GATAD2B: variants seen among roughly 807,000 people sequenced by gnomAD.
GATAD2B encodes the protein GATA zinc finger domain containing 2B, also known as transcriptional repressor p66-beta.
In GATAD2B, 8 loss-of-function variants were observed where a neutral mutation model predicts 64.3. That is an observed-to-expected ratio of 0.12 (90% confidence interval 0.07 to 0.22). The LOEUF is 0.22. GATAD2B is among the 10% of genes least tolerant of loss of function. GATAD2B has a pLI of 1.00. For missense variants in GATAD2B, 453 were observed against 752.0 expected (o/e 0.60, Z 4.65); for synonymous variants, 281 against 271.3 (o/e 1.04, Z -0.35).
chr1:153,818,036 A>G lies in GATAD2B; in HGVS notation c.729+4T>C. 2 of 1,597,122 alleles carry G rather than the reference A, an allele frequency of 1.3e-6. No individual in the cohort carries two copies. The highest frequency in any genetic ancestry group is 1.8e-5 in the Admixed American group (1 of 55,600). On this transcript the variant is annotated splice_donor_region_variant and intron_variant, in intron 5 of 10. Coordinates refer to ENST00000368655, the MANE Select transcript of GATAD2B (RefSeq NM_020699.4). Reference sequence around the variant, plus strand: ...ACACTAAGATCCCACTATGGGTCACATACCTGTAATGTTCTCAAATTTTGA... The same window carrying G: ...ACACTAAGATCCCACTATGGGTCACGTACCTGTAATGTTCTCAAATTTTGA...
intron 1 of GATAD2B, among the ~76,000 whole-genome samples, chr1:153,854,951 T>G (rs531875870): frequency 6.6e-6 from 1 of 152,114 alleles, no homozygotes; most frequent in South Asian, 2.1e-4. Flanking sequence ...TTCAAAAAAG[T>G]TGATATAAAA....
At chr1:153,898,131 C>T (rs1271909177) in intron 1 of GATAD2B, among the ~76,000 whole-genome samples, 1 of 150,956 alleles carries the variant, frequency 6.6e-6, no homozygotes, top group Non-Finnish European at 1.5e-5. Context: ...CGGTAAAACC[C>T]CATCTCTACA....
intron 2 of GATAD2B, among the ~76,000 whole-genome samples, chr1:153,822,520 G>C (rs6427298): frequency 0.84 from 128,023 of 152,088 alleles, 54,293 homozygotes; most frequent in Admixed American, 0.9. Flanking sequence ...AAGCCTCTCT[G>C]TTTTTCTTTT....
intron 1 of GATAD2B, among the ~76,000 whole-genome samples, chr1:153,878,023 A>G (rs142514909): frequency 6.6e-6 from 1 of 152,270 alleles, no homozygotes; most frequent in East Asian, 1.9e-4. Flanking sequence ...AGTACTCAAC[A>G]GACTAGGAAA....
In GATAD2B at chr1:153,890,489, A is replaced by AC. The variant is rs1159159625; in HGVS notation, c.-2+32243_-2+32244insG. The AC allele has an allele frequency of 5.4e-5, 8 of 147,308 alleles. No individual in the cohort carries two copies. The East Asian group carries it at 1.6e-3, about 30-fold the overall frequency. The allele number at this position is 147,308 out of a possible 1,614,324, so 9.1% of individuals were successfully genotyped here. ...GGCGAAAGAACAAGACTCCGTCTCA[A>AC]AAAAAAAAAAAAAAACGACAGAACA... On this transcript the variant is annotated intron_variant, in intron 1 of 10. Coordinates refer to ENST00000368655, the MANE Select transcript of GATAD2B (RefSeq NM_020699.4).
chr1:153,857,017 G>GA (rs1676104784), intron 1 of GATAD2B, among the ~76,000 whole-genome samples: 1 of 151,874 alleles, frequency 6.6e-6, no homozygotes, highest in African/African-American at 2.4e-5. Flanking sequence ...TTGCCTTGGG[G>GA]AAAAAACATA....
At chr1:153,885,971 T>C (rs1433163241) in intron 1 of GATAD2B, among the ~76,000 whole-genome samples, 2 of 151,394 alleles carry the variant, frequency 1.3e-5, no homozygotes, top group Non-Finnish European at 2.9e-5. Flanking sequence ...AAGAATAGCA[T>C]AAGAAAAGAG....
At chr1:153,831,163 A>C (rs1675067007) in intron 1 of GATAD2B, among the ~76,000 whole-genome samples, 1 of 152,214 alleles carries the variant, frequency 6.6e-6, no homozygotes, top group Non-Finnish European at 1.5e-5. Flanking sequence ...ATAAAAAAAG[A>C]ATGAGTTCAT....
chr1:153,822,842 T>G (rs773933643), intron 2 of GATAD2B, among the ~76,000 whole-genome samples: 24 of 152,284 alleles, frequency 1.6e-4, no homozygotes, highest in Middle Eastern at 3.4e-3. Flanking sequence ...AGACAGGGTC[T>G]CACTCTGTCA....
chr1:153,918,290 G>C (rs748243511), intron 1 of GATAD2B, among the ~76,000 whole-genome samples: 2 of 152,190 alleles, frequency 1.3e-5, no homozygotes, highest in African/African-American at 2.4e-5. Context: ...CACAAAGCTA[G>C]AATTCAACCC....
Position 153,816,294 on chromosome 1 carries a change from G to C in GATAD2B, c.1195C>G (p.Gln399Glu). Residue 399 changes from glutamine (Q) to glutamate (E), a missense_variant, in exon 7 of 11, where the codon CAG becomes GAG. Coordinates refer to ENST00000368655, the MANE Select transcript of GATAD2B (RefSeq NM_020699.4). This position sits in a 1 kb window ranked among gnomAD's most constrained non-coding sequence, Gnocchi z 4.9. ...IYMVGLEEVV[Q>E]SVIDSQGKSC... The stretch of plus-strand genomic sequence containing the variant: ...TTACCTTGGCTGTCAATGACACTCT[G>C]TACGACTTCTTCCAAGCCTACCATG... 1 of 1,612,598 alleles carries C rather than the reference G, an allele frequency of 6.2e-7. No individual in the cohort carries two copies. Among genetic ancestry groups the C allele is most frequent in the Non-Finnish European group, 8.5e-7 (1 of 1,178,612 alleles).
chr1:153,850,711 A>G (rs1213095175), intron 1 of GATAD2B, among the ~76,000 whole-genome samples: 2 of 152,032 alleles, frequency 1.3e-5, no homozygotes, highest in Non-Finnish European at 2.9e-5. Flanking sequence ...CTTGAGGTGA[A>G]GGAGTTTGAG....
At chr1:153,910,611 G>A (rs1489372192) in intron 1 of GATAD2B, among the ~76,000 whole-genome samples, 1 of 151,894 alleles carries the variant, frequency 6.6e-6, no homozygotes, top group East Asian at 1.9e-4. Flanking sequence ...GTGGTGGCGA[G>A]CACCTGTAAT....
intron 1 of GATAD2B, among the ~76,000 whole-genome samples, chr1:153,882,236 GCT>G (rs1230720748): frequency 6.6e-6 from 1 of 151,978 alleles, no homozygotes; most frequent in African/African-American, 2.4e-5. Context: ...AAATCATGAT[GCT>G]TTAACTGTTT....
At chr1:153,876,193 A>G (rs866286948) in intron 1 of GATAD2B, among the ~76,000 whole-genome samples, 7 of 126,608 alleles carry the variant, frequency 5.5e-5, no homozygotes, top group African/African-American at 2.1e-4. Flanking sequence ...GCGCCACTAC[A>G]CTCCAGCCTG....
At chr1:153,895,498 T>G (rs1677558554) in intron 1 of GATAD2B, among the ~76,000 whole-genome samples, 1 of 151,880 alleles carries the variant, frequency 6.6e-6, no homozygotes, top group African/African-American at 2.4e-5. Flanking sequence ...GAGGATCACT[T>G]AAGCCCAAGA....
rs1674576045 is a variant in GATAD2B, at chr1:153,818,841, A to G, written c.547T>C (p.Leu183=). 6.2e-7 allele frequency: 1 copy of G among 1,613,672 alleles called. No individual in the cohort carries two copies. ...AGCTGACTCTGTCTCAGTTTCTTTA[A>G]CAGGACCAGTCGGGCTTCTTCCAAT... ...LRLEEARLVL[L]KKLRQSQLQK... Residue 183 remains leucine, a synonymous_variant, in exon 4 of 11, where the codon TTA becomes CTA. Coordinates refer to ENST00000368655, the MANE Select transcript of GATAD2B (RefSeq NM_020699.4).
rs779722872 is a variant in GATAD2B at position 153,840,026 on chromosome 1, CTTTT to C, written c.-1-11682_-1-11679del. 1.9e-4 allele frequency among the ~76,000 whole-genome samples: 19 copies of C among 97,828 alleles called. No homozygotes were observed. In the East Asian group the frequency reaches 2.5e-3, roughly 13 times the overall value. The allele number at this position is 97,828 out of a possible 152,430, so 64.2% of individuals were successfully genotyped here. A position where few individuals can be genotyped will look rare whatever the true frequency, so the allele number is the denominator to read the frequency against. ...TCCTAAGTAGAAATGAAAATACTTT[CTTTT>C]TTTTTTTTTTTTTTTTTTTGAGACG... On this transcript the variant is annotated intron_variant, in intron 1 of 10. Coordinates refer to ENST00000368655, the MANE Select transcript of GATAD2B (RefSeq NM_020699.4).
intron 1 of GATAD2B, among the ~76,000 whole-genome samples, chr1:153,872,955 A>AAC (rs1279635606): frequency 6.6e-6 from 1 of 152,064 alleles, no homozygotes; most frequent in Non-Finnish European, 1.5e-5. Flanking sequence ...CTTCATCAAG[A>AAC]ACATTCTTAA....
Sources: allele counts gnomAD v4.1 joint callset (sites outside exome capture counted in the v4.1 genomes callset), GRCh38; gene constraint gnomAD v4.1.1; non-coding constraint Gnocchi (gnomAD v3.1); transcripts MANE v1.5; gene names NCBI Gene and HGNC (gene_info 2026-07-23, HGNC 2026-07-21).